Variants in GRIA4 observed in about 807,000 individuals in gnomAD.
GRIA4 encodes the protein glutamate ionotropic receptor AMPA type subunit 4.
In GRIA4, 34 loss-of-function variants were observed where a neutral mutation model predicts 104.0. The observed-to-expected ratio is 0.33, with a 90% CI of 0.25 to 0.44. The LOEUF is 0.44. Among genes scored for constraint, GRIA4 ranks in the 20% least tolerant of loss-of-function variants. GRIA4 has a pLI of 1.00. For synonymous variants in GRIA4, 386 were observed against 381.9 expected (o/e 1.01, Z -0.13); for missense variants, 750 against 1,096.5 (o/e 0.68, Z 4.46).
chr11:105,739,335 T>A (rs556864922), intron 3 of GRIA4, among the ~76,000 whole-genome samples: 9 of 152,318 alleles, frequency 5.9e-5, no homozygotes, highest in Admixed American at 5.9e-4. Flanking sequence ...ATGTGCTTTT[T>A]AGCTCAGATG....
intron 3 of GRIA4, among the ~76,000 whole-genome samples, chr11:105,718,978 G>A (rs981251127): frequency 6.6e-6 from 1 of 152,054 alleles, no homozygotes; most frequent in African/African-American, 2.4e-5. Flanking sequence ...GTTATGCCGT[G>A]GAGCTCCAGA....
Position 105,974,635 on chromosome 11 carries a change from G to A in GRIA4, c.2544+191G>A, listed in dbSNP as rs1466396045. 9.6e-6 allele frequency: 13 copies of A among 1,355,016 alleles called. No homozygotes were observed. In the East Asian group the frequency reaches 2.6e-4, roughly 27 times the overall value. The allele number at this position is 1,355,016 out of a possible 1,614,324, so 83.9% of individuals were successfully genotyped here. A position where few individuals can be genotyped will look rare whatever the true frequency, so the allele number is the denominator to read the frequency against. ...TGTTGTGACCTGTCTGTCCAGTGGT[G>A]GTATTGCTTGCTTCTAATTAGAGCT... On this transcript the variant is annotated intron_variant, in intron 16 of 16. Coordinates refer to ENST00000282499, the MANE Select transcript of GRIA4 (RefSeq NM_000829.4).
At chr11:105,654,317 G>C (rs1227508507) in intron 3 of GRIA4, among the ~76,000 whole-genome samples, 1 of 150,872 alleles carries the variant, frequency 6.6e-6, no homozygotes, top group Non-Finnish European at 1.5e-5. Flanking sequence ...TAATGACGAT[G>C]TATTGTATTC....
At chr11:105,859,026 C>A (rs1017145330) in intron 4 of GRIA4, among the ~76,000 whole-genome samples, 1 of 152,032 alleles carries the variant, frequency 6.6e-6, no homozygotes, top group Admixed American at 6.6e-5. Context: ...TTTTCTAATA[C>A]CTAGGAGATG....
At chr11:105,738,933 A>AC (rs1475559245) in intron 3 of GRIA4, among the ~76,000 whole-genome samples, 6 of 116,494 alleles carry the variant, frequency 5.2e-5, no homozygotes, top group African/African-American at 1.6e-4. Context: ...AAAAAAACAA[A>AC]AAAAAAAAAA....
At chr11:105,851,405 A>G (rs502300) in intron 4 of GRIA4, among the ~76,000 whole-genome samples, 10,091 of 152,238 alleles carry the variant, frequency 0.066, 1,140 homozygotes, top group African/African-American at 0.23. Context: ...TGTATACTTA[A>G]TACTTTCCAA....
At chr11:105,789,023 C>T (rs1033197612) in intron 4 of GRIA4, among the ~76,000 whole-genome samples, 1 of 152,030 alleles carries the variant, frequency 6.6e-6, no homozygotes, top group Non-Finnish European at 1.5e-5. Context: ...ACCAAAAGTA[C>T]AAGTTAGACA....
At chr11:105,714,322 C>A (rs1218948988) in intron 3 of GRIA4, among the ~76,000 whole-genome samples, 1 of 151,588 alleles carries the variant, frequency 6.6e-6, no homozygotes, top group African/African-American at 2.4e-5. Flanking sequence ...TGAAAAAATT[C>A]TGCTAGAGAG....
chr11:105,740,959 G>A (rs1939269380), intron 3 of GRIA4, among the ~76,000 whole-genome samples: 1 of 152,170 alleles, frequency 6.6e-6, no homozygotes, highest in South Asian at 2.1e-4. Context: ...AAGTAGGGAT[G>A]AGATGCAGTC....
intron 3 of GRIA4, among the ~76,000 whole-genome samples, chr11:105,701,668 A>AG (rs1258442466): frequency 6.6e-6 from 1 of 152,134 alleles, no homozygotes; most frequent in Non-Finnish European, 1.5e-5. Context: ...TTAAATAGTG[A>AG]GGGGAAATCA....
chr11:105,919,292 T>C (rs924057729), intron 11 of GRIA4, among the ~76,000 whole-genome samples: 6 of 152,154 alleles, frequency 3.9e-5, no homozygotes, highest in African/African-American at 7.2e-5. Context: ...CCTTCAACAA[T>C]ATAAAGATGG....
chr11:105,753,336 A>C, intron 4 of GRIA4, 116 bp downstream of exon 4: 1 of 909,224 alleles, frequency 1.1e-6, no homozygotes, highest in Non-Finnish European at 1.7e-6. Context: ...AAAATCAGAA[A>C]ATGGTTGATG....
chr11:105,787,723 G>A (rs1166294344), intron 4 of GRIA4, among the ~76,000 whole-genome samples: 1 of 151,860 alleles, frequency 6.6e-6, no homozygotes, highest in African/African-American at 2.4e-5. Context: ...TCTTTACTTC[G>A]AGTTCAGAAA....
Position 105,910,464 on chromosome 11 carries a change from A to T in GRIA4, c.1188A>T (p.Leu396Phe). The change falls in exon 10 of 17, where the codon TTA becomes TTT. Residue 396 changes from leucine (L) to phenylalanine (F), a missense_variant. This residue lies in a region of GRIA4 where 410 missense variants were observed against 502.7 expected (regional missense o/e 0.82). Coordinates refer to ENST00000282499, the MANE Select transcript of GRIA4 (RefSeq NM_000829.4). The part of the protein sequence containing the change: ...KVGYWNDMDK[L>F]VLIQDVPTLG... ...GTTACTGGAATGATATGGATAAGTT[A>T]GTCTTGATTCAAGATGTACCAACTC... The T allele has an allele frequency of 6.3e-7, 1 of 1,591,120 alleles. No individual in the cohort carries two copies. The highest frequency in any genetic ancestry group is 8.6e-7 in the Non-Finnish European group (1 of 1,159,164).
chr11:105,714,713 C>T (rs750048190), intron 3 of GRIA4, among the ~76,000 whole-genome samples: 1 of 152,010 alleles, frequency 6.6e-6, no homozygotes, highest in African/African-American at 2.4e-5. Flanking sequence ...ATGATGACAA[C>T]ATCTGTTTTA....
rs780391950 is a variant in GRIA4, at chr11:105,903,910, G to C, written c.982G>C (p.Ala328Pro). The C allele has an allele frequency of 2.5e-6, 4 of 1,613,530 alleles. No homozygotes were observed. The highest frequency in any genetic ancestry group is 1.7e-5 in the Admixed American group (1 of 60,014). Residue 328 changes from alanine to proline, a missense_variant, in exon 8 of 17, where the codon GCT becomes CCT. Transcript: ENST00000282499. ...AATTGATATCTCAAGGAGAGGAAAT[G>C]CTGGGGATTGTCTGGCAAATCCTGC... ...QKIDISRRGN[A>P]GDCLANPAAP...
intron 4 of GRIA4, among the ~76,000 whole-genome samples, chr11:105,854,458 C>T (rs1944938152): frequency 6.6e-6 from 1 of 152,038 alleles, no homozygotes; most frequent in Admixed American, 6.6e-5. Flanking sequence ...TGGATGACGT[C>T]AGTATAAAGG....
At chr11:105,845,677 A>G (rs575140387) in intron 4 of GRIA4, among the ~76,000 whole-genome samples, 1 of 151,506 alleles carries the variant, frequency 6.6e-6, no homozygotes, top group African/African-American at 2.4e-5. Context: ...AGGTCAGGAG[A>G]TAGAGACCAT....
chr11:105,817,688 A>C (rs1293902496), intron 4 of GRIA4, among the ~76,000 whole-genome samples: 2 of 152,156 alleles, frequency 1.3e-5, no homozygotes, highest in Non-Finnish European at 2.9e-5. Flanking sequence ...TGTAAGATTT[A>C]TATTTTGAAT....
Sources: gnomAD v4.1 joint callset for allele counts (sites outside exome capture counted in the v4.1 genomes callset) on GRCh38, gnomAD v4.1.1 for gene constraint, gnomAD v4.1.1 regional missense constraint, MANE v1.5 for transcripts, NCBI Gene and HGNC (gene_info 2026-07-23, HGNC 2026-07-21) for gene names.